GTF2A1: variants seen among roughly 807,000 people sequenced by gnomAD.
GTF2A1 encodes the protein general transcription factor IIA subunit 1.
In GTF2A1, 12 loss-of-function variants were observed where a neutral mutation model predicts 54.1. The observed-to-expected ratio is 0.22, with a 90% CI of 0.14 to 0.36. The LOEUF is 0.36. Among genes scored for constraint, GTF2A1 ranks in the 10% least tolerant of loss-of-function variants. The pLI is 1.00. For synonymous variants in GTF2A1, 145 were observed against 152.0 expected, an observed-to-expected ratio of 0.95 and a Z score of 0.34; for missense variants, 335 against 442.2, an observed-to-expected ratio of 0.76 and a Z score of 2.17.
intron 7 of GTF2A1, among the ~76,000 whole-genome samples, chr14:81,190,817 G>A (rs764227506): frequency 6.6e-6 from 1 of 152,038 alleles, no homozygotes. Context: ...AAAAACTGCC[G>A]TTCTTCATAT....
At chr14:81,207,800 CAA>C (rs1893274192) in intron 2 of GTF2A1, among the ~76,000 whole-genome samples, 1 of 152,198 alleles carries the variant, frequency 6.6e-6, no homozygotes, top group African/African-American at 2.4e-5. Context: ...TATGTGTTAG[CAA>C]AGAGACTGGC....
At chr14:81,207,190 C>G (rs1023872223) in intron 2 of GTF2A1, among the ~76,000 whole-genome samples, 8 of 141,856 alleles carry the variant, frequency 5.6e-5, no homozygotes, top group African/African-American at 2.1e-4. Flanking sequence ...TACCTACCTA[C>G]CTGATATGGT....
chr14:81,192,417 TAACA>T (rs1595213287), intron 7 of GTF2A1, 98 bp downstream of exon 7: 3 of 859,478 alleles, frequency 3.5e-6, no homozygotes, highest in African/African-American at 3.4e-5. Context: ...GTACAGCACC[TAACA>T]GTCTCTGAAA....
At chr14:81,195,632 G>GAA (rs34366586) in intron 6 of GTF2A1, among the ~76,000 whole-genome samples, 9,190 of 118,130 alleles carry the variant, frequency 0.078, 467 homozygotes, top group Middle Eastern at 0.11. Flanking sequence ...ACTCTGTCTC[G>GAA]AAAAAAAAAA....
intron 4 of GTF2A1, among the ~76,000 whole-genome samples, chr14:81,198,509 T>C (rs1005804624): frequency 7.2e-5 from 11 of 152,214 alleles, no homozygotes; most frequent in African/African-American, 2.7e-4. Context: ...GATTATATTA[T>C]GAATTTCTTT....
rs1293198187 is a variant in GTF2A1 at position 81,177,271 on chromosome 14, CAGAA to C, written c.*2948_*2951del. ...GACATTATGATGGCATTTTAATTAA[CAGAA>C]AGAAATGTGAACATTTAAAAAATAG... is the stretch of plus-strand genomic sequence containing the variant. On this transcript the variant is annotated 3_prime_UTR_variant, in exon 9 of 9. Transcript: ENST00000553612. 37 of 152,118 alleles carry C rather than the reference CAGAA, an allele frequency of 2.4e-4. No individual in the cohort carries two copies. The highest frequency in any genetic ancestry group is 8.7e-4 in the African/African-American group (36 of 41,528). 9.4% of individuals were successfully genotyped at this position (152,118 alleles called of 1,614,324 possible).
intron 2 of GTF2A1, among the ~76,000 whole-genome samples, chr14:81,210,249 C>T (rs777797055): frequency 1.4e-4 from 21 of 152,142 alleles, no homozygotes; most frequent in Non-Finnish European, 2.1e-4. Context: ...CATACAAATA[C>T]TTTGTATTAA....
At position 81,220,938 on chromosome 14, in the gene GTF2A1, G is replaced by A. The variant is rs1893631398; in HGVS notation, c.-420C>T. 3 of 170,458 alleles carry A rather than the reference G, an allele frequency of 1.8e-5. No individual in the cohort carries two copies. Among genetic ancestry groups the A allele is most frequent in the Non-Finnish European group, 2.5e-5 (2 of 80,934 alleles). 10.6% of individuals were successfully genotyped at this position (170,458 alleles called of 1,614,324 possible). On this transcript the variant is annotated 5_prime_UTR_variant, in exon 1 of 9. Transcript: ENST00000553612. ...ACAAGCTGCGCGAGCCACCACCGCC[G>A]CCGCCGCCGCCGCCGAGAGACAGGG...
At chr14:81,184,710 G>A (rs1892705948) in intron 8 of GTF2A1, among the ~76,000 whole-genome samples, 1 of 152,032 alleles carries the variant, frequency 6.6e-6, no homozygotes, top group South Asian at 2.1e-4. Flanking sequence ...TAACTACATC[G>A]CCAGGGCCTA....
chr14:81,192,962 C>G, intron 6 of GTF2A1, 123 bp from the exon 7 acceptor site: 2 of 641,316 alleles, frequency 3.1e-6, no homozygotes, highest in South Asian at 1.9e-5. Context: ...TTAAAAACTA[C>G]CAAAGTACAA....
In GTF2A1 at chr14:81,179,324, C is replaced by A. The variant is rs1451048439; in HGVS notation, c.*899G>T. 6.6e-6 allele frequency: 1 copy of A among 152,194 alleles called. No homozygotes were observed. The highest frequency in any genetic ancestry group is 1.9e-4 in the East Asian group (1 of 5,206). The allele number at this position is 152,194 out of a possible 1,614,324, so 9.4% of individuals were successfully genotyped here. ...TAAAAACTAAACACATTTATAAGCA[C>A]ACACTTCAGCCCAACAGGAAAAGTC... On this transcript the variant is annotated 3_prime_UTR_variant, in exon 9 of 9. Transcript: ENST00000553612.
chr14:81,206,479 T>C (rs780737417), intron 2 of GTF2A1, among the ~76,000 whole-genome samples: 8 of 152,192 alleles, frequency 5.3e-5, no homozygotes, highest in Non-Finnish European at 8.8e-5. Flanking sequence ...TGAACAAACC[T>C]GAGAAAAATG....
chr14:81,192,534 A>C lies in GTF2A1; in HGVS notation c.918T>G (p.Asp306Glu). 1 of 1,607,664 alleles carries C rather than the reference A, an allele frequency of 6.2e-7. No homozygotes were observed. Among genetic ancestry groups the C allele is most frequent in the Non-Finnish European group, 8.5e-7 (1 of 1,176,892 alleles). Residue 306 changes from aspartate to glutamate, a missense_variant, in exon 7 of 9, where the codon GAT (aspartate) becomes GAG (glutamate). By Grantham distance (45) the Asp-to-Glu change is conservative. Around this residue, in one of 2 missense-constraint regions of GTF2A1, gnomAD observed 306 missense variants for 360.4 expected, o/e 0.85. Coordinates refer to ENST00000553612, the MANE Select transcript of GTF2A1 (RefSeq NM_015859.4). Reference protein sequence around the residue: ...EEDKEKDGAEDGQVEEEPLNS... With the variant: ...EEDKEKDGAEEGQVEEEPLNS... The stretch of plus-strand genomic sequence containing the variant: ...AGAAACTTACTTCTTCCACCTGCCC[A>C]TCTTCAGCTCCATCTTTCTCTTTGT...
chr14:81,183,650 TA>T (rs1892682628), intron 8 of GTF2A1, among the ~76,000 whole-genome samples: 1 of 152,202 alleles, frequency 6.6e-6, no homozygotes, highest in Non-Finnish European at 1.5e-5. Flanking sequence ...ATTTCCTAAT[TA>T]AAAATGTGTT....
intron 4 of GTF2A1, among the ~76,000 whole-genome samples, chr14:81,199,011 A>T (rs1893047743): frequency 6.6e-6 from 1 of 152,216 alleles, no homozygotes; most frequent in East Asian, 1.9e-4. Flanking sequence ...TAAGTTGGAT[A>T]CTCAATTACC....
intron 2 of GTF2A1, among the ~76,000 whole-genome samples, chr14:81,209,195 A>G (rs1459669784): frequency 1.3e-5 from 2 of 152,210 alleles, no homozygotes; most frequent in African/African-American, 2.4e-5. Flanking sequence ...ACACAGCAGG[A>G]GGTAACTGAA....
chr14:81,209,513 C>T (rs1893315734), intron 2 of GTF2A1, among the ~76,000 whole-genome samples: 1 of 152,246 alleles, frequency 6.6e-6, no homozygotes, highest in Middle Eastern at 3.4e-3. Flanking sequence ...TACTTATTTG[C>T]AAAAGATTCC....
chr14:81,197,620 A>G (rs1421752661), intron 4 of GTF2A1, 136 bp from the exon 5 acceptor site: 8 of 533,416 alleles, frequency 1.5e-5, no homozygotes, highest in Non-Finnish European at 2.4e-5. Context: ...GCTAAATCCC[A>G]TTTTATAAAA....
At chr14:81,214,496 A>C (rs1893442743) in intron 2 of GTF2A1, among the ~76,000 whole-genome samples, 1 of 152,062 alleles carries the variant, frequency 6.6e-6, no homozygotes, top group African/African-American at 2.4e-5. Context: ...ATACAAAAAA[A>C]TTAGCCAGGC....
Sources: allele counts gnomAD v4.1 joint callset (sites outside exome capture counted in the v4.1 genomes callset), GRCh38; gene constraint gnomAD v4.1.1; regional missense constraint gnomAD v4.1.1; transcripts MANE v1.5; gene names NCBI Gene and HGNC (gene_info 2026-07-23, HGNC 2026-07-21).